The following ARSG variants were observed in gnomAD, a reference collection of about 807,000 sequenced individuals.
ARSG encodes arylsulfatase G, also known as ASG.
ARSG carries 37 observed loss-of-function variants against 50.5 expected under a neutral mutation model. The observed-to-expected ratio is 0.73, with a 90% CI of 0.56 to 0.96. The LOEUF is 0.96. Among genes scored for constraint, ARSG ranks in the 50% least tolerant of loss-of-function variants. ARSG has a pLI of 0.00. For missense variants in ARSG, 629 were observed against 675.3 expected, an observed-to-expected ratio of 0.93 and a Z score of 0.76; for synonymous variants, 225 against 254.6, an observed-to-expected ratio of 0.88 and a Z score of 1.11.
chr17:68,331,221 CTT>C (rs2077740925), intron 2 of ARSG, among the ~76,000 whole-genome samples: 3 of 35,254 alleles, frequency 8.5e-5, no homozygotes, highest in Non-Finnish European at 1.6e-4. Context: ...TTCTTTCTTT[CTT>C]TCTTTCTTTG....
chr17:68,390,286 T>C (rs2080932606), intron 9 of ARSG, among the ~76,000 whole-genome samples: 1 of 152,024 alleles, frequency 6.6e-6, no homozygotes, highest in Non-Finnish European at 1.5e-5. Context: ...CCATCTCCAC[T>C]CCTAGGATCC....
chr17:68,387,502 CT>C (rs2080786303), intron 9 of ARSG, among the ~76,000 whole-genome samples: 1 of 152,208 alleles, frequency 6.6e-6, no homozygotes, highest in African/African-American at 2.4e-5. Flanking sequence ...TACCTTCTTG[CT>C]GTTTCCCATA....
At chr17:68,369,595 C>T (rs1402022044) in intron 7 of ARSG, among the ~76,000 whole-genome samples, 1 of 151,992 alleles carries the variant, frequency 6.6e-6, no homozygotes, top group South Asian at 2.1e-4. Flanking sequence ...CTCTACCGTG[C>T]AGTGAAGGTG....
chr17:68,392,546 C>T (rs1023008274), intron 9 of ARSG, among the ~76,000 whole-genome samples: 1 of 152,204 alleles, frequency 6.6e-6, no homozygotes, highest in Non-Finnish European at 1.5e-5. Flanking sequence ...TTCACCCAGG[C>T]TGGAGTGCAG....
chr17:68,317,204 C>T (rs186152005), intron 2 of ARSG, among the ~76,000 whole-genome samples: 1 of 152,172 alleles, frequency 6.6e-6, no homozygotes, highest in East Asian at 1.9e-4. Flanking sequence ...TTTGGTATCC[C>T]TTTTCAGACT....
intron 1 of ARSG, among the ~76,000 whole-genome samples, chr17:68,278,822 G>A (rs2075607885): frequency 6.6e-6 from 1 of 151,918 alleles, no homozygotes; most frequent in Non-Finnish European, 1.5e-5. Context: ...GTTTTGCCAT[G>A]TTGGCCAGGC....
In ARSG at chr17:68,405,442, AT is replaced by A. The variant is rs1274816801; in HGVS notation, c.1303+3994del. 1.1e-4 allele frequency among the ~76,000 whole-genome samples: 17 copies of A among 152,206 alleles called. No homozygotes were observed. The South Asian group carries it at 1.9e-3, about 17-fold the overall frequency. On this transcript the variant is annotated intron_variant, in intron 11 of 11. Transcript: ENST00000621439. ...TTCCTATTTTACTCTTTTTGATGCC[AT>A]TGTAAATGAAGTTGTTTTCACAATT...
chr17:68,368,051 C>T (rs2079631689), intron 6 of ARSG, among the ~76,000 whole-genome samples: 1 of 151,952 alleles, frequency 6.6e-6, no homozygotes, highest in Non-Finnish European at 1.5e-5. Flanking sequence ...GCCTGGGCGA[C>T]AAGAGTGCGA....
upstream of ARSG, chr17:68,291,437 GACCATGT>G (rs1473839904): frequency 6.6e-6 from 1 of 150,774 alleles, no homozygotes; most frequent in East Asian, 2.0e-4. Context: ...CGCCGCCGCC[GACCATGT>G]GCTGCGAGCG....
chr17:68,437,948 TAAAAAAAAAAAA>T, the ARSG span, among the ~76,000 whole-genome samples: 3 of 78,802 alleles, frequency 3.8e-5, no homozygotes, highest in African/African-American at 9.5e-5. Context: ...ACATCTCTCT[TAAAAAAAAAAAA>T]AAAAAAAAAA....
At chr17:68,262,162 A>G (rs1415891146) in intron 1 of ARSG, among the ~76,000 whole-genome samples, 3 of 82,730 alleles carry the variant, frequency 3.6e-5, no homozygotes, top group Non-Finnish European at 6.6e-5. Flanking sequence ...ATCTCAAACG[A>G]AAACAAACAA....
chr17:68,309,151 G>A (rs144144142), intron 2 of ARSG, among the ~76,000 whole-genome samples: 8,643 of 152,298 alleles, frequency 0.057, 807 homozygotes, highest in African/African-American at 0.2. Flanking sequence ...CTGCTGGCCC[G>A]GGTTCTAAGC....
At chr17:68,293,775 C>T (rs1279643164) in intron 1 of ARSG, among the ~76,000 whole-genome samples, 3 of 152,126 alleles carry the variant, frequency 2.0e-5, no homozygotes, top group Non-Finnish European at 4.4e-5. Flanking sequence ...CACTAGAGCT[C>T]ATCCAAAGAT....
chr17:68,448,117 G>A, the ARSG span, among the ~76,000 whole-genome samples: 1 of 152,022 alleles, frequency 6.6e-6, no homozygotes, highest in Admixed American at 6.5e-5. Flanking sequence ...AGCAGACTGA[G>A]TGCTACAGAA....
Position 68,278,073 on chromosome 17 carries a change from C to T in ARSG, c.-552+18647C>T, listed in dbSNP as rs377276849. Reference sequence around the variant, plus strand: ...CCCTATACTTACGTCATGGTTAGGCCGAAAGATGTACTAACCTGAAAATGT... The same window carrying T: ...CCCTATACTTACGTCATGGTTAGGCTGAAAGATGTACTAACCTGAAAATGT... On this transcript the variant is annotated intron_variant, in intron 1 of 11. Transcript: ENST00000448504. The T allele has an allele frequency of 1.2e-4, 194 of 1,589,152 alleles. 1 individual carries two copies. Among genetic ancestry groups the T allele is most frequent in the African/African-American group, 8.6e-4 (64 of 74,362 alleles).
upstream of ARSG, among the ~76,000 whole-genome samples, chr17:68,287,258 G>A (rs556937154): frequency 8.5e-4 from 130 of 152,102 alleles, no homozygotes; most frequent in African/African-American, 2.0e-3. Flanking sequence ...AGTATTAAAC[G>A]TTAGATAGTA....
the ARSG span, among the ~76,000 whole-genome samples, chr17:68,432,612 C>T: frequency 1.3e-5 from 2 of 152,100 alleles, no homozygotes; most frequent in East Asian, 1.9e-4. Flanking sequence ...ATAAGGTGCC[C>T]GGCCTCTGTT....
intron 11 of ARSG, among the ~76,000 whole-genome samples, chr17:68,417,561 C>T (rs532219692): frequency 7.2e-5 from 11 of 151,820 alleles, no homozygotes; most frequent in Non-Finnish European, 1.5e-4. Flanking sequence ...TTGTCAATTA[C>T]AGTTCAGGGC....
chr17:68,410,799 G>A (rs1314025276), intron 11 of ARSG, among the ~76,000 whole-genome samples: 2 of 152,156 alleles, frequency 1.3e-5, no homozygotes, highest in Non-Finnish European at 2.9e-5. Context: ...CACAATTTCA[G>A]ATCCTGTTAT....
Sources: allele counts gnomAD v4.1 joint callset (sites outside exome capture counted in the v4.1 genomes callset), GRCh38; gene constraint gnomAD v4.1.1; transcripts MANE v1.5; gene names NCBI Gene and HGNC (gene_info 2026-07-23, HGNC 2026-07-21).